The following LIPC variants were observed in gnomAD, a reference collection of about 807,000 sequenced individuals.
LIPC encodes the protein lipase C, hepatic type.
A neutral mutation model predicts 50.7 loss-of-function variants in LIPC; 44 were observed. The observed-to-expected ratio is 0.87, with a 90% CI of 0.68 to 1.11. The LOEUF (loss-of-function observed/expected upper bound fraction) is 1.11, where lower values mean the gene tolerates loss of function less well. Among genes scored for constraint, LIPC ranks in the 50% most tolerant of loss-of-function variants. The pLI, the probability that LIPC is intolerant of heterozygous loss-of-function variation, is 0.00. For synonymous variants in LIPC, 271 were observed against 256.4 expected, an observed-to-expected ratio of 1.06 and a Z score of -0.54; for missense variants, 697 against 648.2, an observed-to-expected ratio of 1.08 and a Z score of -0.82.
rs34288605 is a variant in LIPC at position 58,521,905 on chromosome 15, ATC to A, written c.89-16404_89-16403del. The A allele has an allele frequency of 6.7e-3, 988 of 148,336 alleles. 6 individuals carry two copies. Among genetic ancestry groups the A allele is most frequent in the South Asian group, 0.052 (240 of 4,640 alleles). The allele number at this position is 148,336 out of a possible 1,614,324, so 9.2% of individuals were successfully genotyped here. ...CAAAGATGACTAGGAACGCTCTGTC[ATC>A]TCTCTCTCTCTCTCTCTCTCTCTTT... On this transcript the variant is annotated intron_variant, in intron 1 of 8. Coordinates refer to ENST00000299022, the MANE Select transcript of LIPC (RefSeq NM_000236.3).
chr15:58,521,443 C>T (rs556711085), intron 1 of LIPC: 2 of 152,344 alleles, frequency 1.3e-5, no homozygotes, highest in East Asian at 3.9e-4. Flanking sequence ...TCCATACATT[C>T]TAATTCCTCC....
At chr15:58,489,914 G>A (rs182171585) in intron 1 of LIPC, among the ~76,000 whole-genome samples, 146 of 152,210 alleles carry the variant, frequency 9.6e-4, no homozygotes, top group African/African-American at 3.3e-3. Flanking sequence ...CAGCTTGGAG[G>A]TTAAAAGCAA....
At chr15:58,561,130 A>AAGC in intron 7 of LIPC, 149 bp downstream of exon 7, 1 of 683,076 alleles carries the variant, frequency 1.5e-6, no homozygotes, top group South Asian at 1.6e-5. Context: ...CATGTCAATC[A>AAGC]ATTTAGTTTA....
chr15:58,500,464 T>A (rs2140835698), intron 1 of LIPC, among the ~76,000 whole-genome samples: 1 of 152,304 alleles, frequency 6.6e-6, no homozygotes, highest in East Asian at 1.9e-4. Context: ...CCATTGCCAT[T>A]TAACCAGCAC....
intron 1 of LIPC, among the ~76,000 whole-genome samples, chr15:58,488,437 C>T (rs550256641): frequency 1.3e-5 from 2 of 152,240 alleles, no homozygotes; most frequent in Non-Finnish European, 2.9e-5. Flanking sequence ...AGGCACTAGG[C>T]ACTGTGCTAG....
intron 1 of LIPC, among the ~76,000 whole-genome samples, chr15:58,503,831 C>T (rs1252967680): frequency 6.6e-6 from 1 of 152,158 alleles, no homozygotes; most frequent in Non-Finnish European, 1.5e-5. Flanking sequence ...AGGCAGGTCT[C>T]CAGCAGCCTC....
intron 1 of LIPC, among the ~76,000 whole-genome samples, chr15:58,488,876 G>C (rs935310590): frequency 6.6e-6 from 1 of 152,158 alleles, no homozygotes; most frequent in Non-Finnish European, 1.5e-5. Flanking sequence ...CAGGATGGGA[G>C]AAAAACAGGA....
chr15:58,438,458 C>A (rs1380957003), intron 1 of LIPC, among the ~76,000 whole-genome samples: 1 of 152,192 alleles, frequency 6.6e-6, no homozygotes, highest in South Asian at 2.1e-4. Flanking sequence ...TGGGGTCCAA[C>A]CCACCAGGGA....
intron 1 of LIPC, among the ~76,000 whole-genome samples, chr15:58,484,492 C>T (rs1891297499): frequency 6.6e-6 from 1 of 152,244 alleles, no homozygotes; most frequent in Non-Finnish European, 1.5e-5. Flanking sequence ...TACTATGGGC[C>T]AGGCATCATG....
intron 1 of LIPC, chr15:58,454,875 G>A (rs1389618725): frequency 6.6e-6 from 1 of 152,236 alleles, no homozygotes; most frequent in Non-Finnish European, 1.5e-5. Flanking sequence ...TTTGCAAGCT[G>A]ATTTTTAAAC....
At chr15:58,550,994 G>A (rs1290537796) in intron 6 of LIPC, among the ~76,000 whole-genome samples, 1 of 151,396 alleles carries the variant, frequency 6.6e-6, no homozygotes, top group Non-Finnish European at 1.5e-5. Flanking sequence ...GCACCACCAC[G>A]CCCAGCTAAT....
chr15:58,464,498 A>G (rs760086789), intron 1 of LIPC, among the ~76,000 whole-genome samples: 23 of 152,272 alleles, frequency 1.5e-4, no homozygotes, highest in Admixed American at 2.6e-4. Flanking sequence ...TTAAAGACAT[A>G]TAAACATTAA....
intron 1 of LIPC, among the ~76,000 whole-genome samples, chr15:58,487,783 A>C (rs1891428666): frequency 6.6e-6 from 1 of 152,238 alleles, no homozygotes; most frequent in Non-Finnish European, 1.5e-5. Context: ...AGTTATTTTA[A>C]GGAAATTCAG....
At chr15:58,550,579 C>G (rs147960540) in intron 6 of LIPC, among the ~76,000 whole-genome samples, 1 of 152,072 alleles carries the variant, frequency 6.6e-6, no homozygotes, top group Non-Finnish European at 1.5e-5. Context: ...CTCATCCATC[C>G]GTATATTCTT....
chr15:58,566,921 A>G (rs761715990), intron 8 of LIPC, among the ~76,000 whole-genome samples: 1 of 152,152 alleles, frequency 6.6e-6, no homozygotes, highest in Non-Finnish European at 1.5e-5. Context: ...TGAGAGTGTA[A>G]ATTACAGGCA....
intron 1 of LIPC, among the ~76,000 whole-genome samples, chr15:58,531,626 CA>C (rs60425157): frequency 0.015 from 1,278 of 82,732 alleles, 28 homozygotes; most frequent in African/African-American, 0.054. Context: ...AAAATGGACT[CA>C]AAAAAAAAAA....
intron 1 of LIPC, chr15:58,435,675 C>G (rs4774298): frequency 6.6e-6 from 1 of 152,138 alleles, no homozygotes; most frequent in Non-Finnish European, 1.5e-5. Flanking sequence ...TTTGGGAGGC[C>G]GAGGTGGGTG....
chr15:58,552,204 G>A (rs569852625), intron 6 of LIPC, among the ~76,000 whole-genome samples: 1 of 152,174 alleles, frequency 6.6e-6, no homozygotes, highest in South Asian at 2.1e-4. Context: ...ACTCTGCCCG[G>A]GCACTGGGCT....
intron 1 of LIPC, among the ~76,000 whole-genome samples, chr15:58,439,783 T>C (rs1893441741): frequency 6.6e-6 from 1 of 151,728 alleles, no homozygotes; most frequent in Non-Finnish European, 1.5e-5. Flanking sequence ...AACTACAGAG[T>C]TGCTGATTCA....
Sources: allele counts gnomAD v4.1 joint callset (sites outside exome capture counted in the v4.1 genomes callset), GRCh38; gene constraint gnomAD v4.1.1; transcripts MANE v1.5; gene names NCBI Gene and HGNC (gene_info 2026-07-23, HGNC 2026-07-21).